Variants in MIPEP observed in about 807,000 individuals in gnomAD.
The protein encoded by MIPEP is mitochondrial intermediate peptidase.
A neutral mutation model predicts 90.3 loss-of-function variants in MIPEP; 79 were observed. The observed-to-expected ratio is 0.87, with a 90% CI of 0.73 to 1.05. The LOEUF is 1.05. MIPEP is among the 50% of genes least tolerant of loss of function. The pLI is 0.00. For missense variants in MIPEP, 940 were observed against 905.6 expected (o/e 1.04, Z -0.49); for synonymous variants, 334 against 315.8 (o/e 1.06, Z -0.61).
chr13:23,789,643 T>G (rs1392819710), intron 16 of MIPEP, among the ~76,000 whole-genome samples: 1 of 152,184 alleles, frequency 6.6e-6, no homozygotes, highest in Non-Finnish European at 1.5e-5. Flanking sequence ...CAGGTACAAA[T>G]AAAGAGAAAG....
rs554350439 is a variant in MIPEP, at chr13:23,889,136, C to G, written c.185G>C (p.Arg62Pro). Residue 62 changes from arginine (R) to proline (P), a missense_variant, in exon 1 of 19, where the codon CGC becomes CCC. Arg to Pro is a moderately radical substitution (Grantham distance 103). Coordinates refer to ENST00000382172, the MANE Select transcript of MIPEP (RefSeq NM_005932.4). ...AGCTCCTCCTGCGCCGCTCACCCGGCGCTCGCCGAACAGGTCCAAGCGGCT... is the reference window on the plus strand; with the variant it reads ...AGCTCCTCCTGCGCCGCTCACCCGGGGCTCGCCGAACAGGTCCAAGCGGCT... The part of the protein sequence containing the change: ...QGSRLDLFGE[R>P]RGLFGVPELS... 121 of 1,422,728 alleles carry G rather than the reference C, an allele frequency of 8.5e-5. No homozygotes were observed. In the African/African-American group the frequency reaches 1.7e-3, roughly 20 times the overall value. The allele number at this position is 1,422,728 out of a possible 1,614,324, so 88.1% of individuals were successfully genotyped here.
chr13:23,844,795 T>C (rs891932967), intron 10 of MIPEP, among the ~76,000 whole-genome samples: 1 of 152,218 alleles, frequency 6.6e-6, no homozygotes. Context: ...TCATTATGTG[T>C]TGGGCAAAAT....
In MIPEP at chr13:23,815,740, C is replaced by A. The variant is rs944483916; in HGVS notation, c.1654-5816G>T. 3.9e-5 allele frequency among the ~76,000 whole-genome samples: 6 copies of A among 152,244 alleles called. No individual in the cohort carries two copies. The South Asian group carries it at 8.3e-4, about 21-fold the overall frequency. On this transcript the variant is annotated intron_variant, in intron 14 of 18. Coordinates refer to ENST00000382172, the MANE Select transcript of MIPEP (RefSeq NM_005932.4). ...AATTAATTTAAGGTTTACAAAAAAA[C>A]CCCACAATGAAATAAAGTAATGTGC...
chr13:23,883,065 A>T (rs1185143553), intron 2 of MIPEP, among the ~76,000 whole-genome samples: 1 of 152,194 alleles, frequency 6.6e-6, no homozygotes, highest in East Asian at 1.9e-4. Flanking sequence ...TAACAGTACT[A>T]ATCTCACTGG....
intron 9 of MIPEP, among the ~76,000 whole-genome samples, chr13:23,860,578 A>G (rs2137499929): frequency 6.6e-6 from 1 of 152,276 alleles, no homozygotes; most frequent in Non-Finnish European, 1.5e-5. Context: ...AGGAAGGGAA[A>G]CTGGAGAATA....
chr13:23,774,747 T>G (rs1441651831), intron 16 of MIPEP, among the ~76,000 whole-genome samples: 2 of 151,144 alleles, frequency 1.3e-5, no homozygotes, highest in African/African-American at 2.4e-5. Flanking sequence ...CATATTGATC[T>G]CATACCATGC....
chr13:23,854,169 CA>C (rs1171808399), intron 10 of MIPEP, among the ~76,000 whole-genome samples: 15 of 138,478 alleles, frequency 1.1e-4, no homozygotes, highest in African/African-American at 3.7e-4. Flanking sequence ...ACTAAAAATA[CA>C]AAAAATTAGC....
At chr13:23,872,969 G>C (rs1347824570) in intron 5 of MIPEP, among the ~76,000 whole-genome samples, 1 of 152,122 alleles carries the variant, frequency 6.6e-6, no homozygotes, top group Non-Finnish European at 1.5e-5. Context: ...TAAAAAACAT[G>C]ATCCACGTTC....
intron 16 of MIPEP, among the ~76,000 whole-genome samples, chr13:23,794,495 A>C (rs1018358918): frequency 4.6e-5 from 7 of 152,192 alleles, no homozygotes; most frequent in Admixed American, 1.3e-4. Context: ...AACGGGACTT[A>C]CCTCAGAAAA....
chr13:23,881,837 C>T (rs773532131), intron 2 of MIPEP, 50 bp from the exon 3 acceptor site: 35 of 1,414,036 alleles, frequency 2.5e-5, no homozygotes, highest in Middle Eastern at 2.0e-4. Context: ...GAGAAGCTTT[C>T]TTCCAGGATC....
chr13:23,880,667 T>C (rs533832270), intron 3 of MIPEP, among the ~76,000 whole-genome samples: 1 of 152,322 alleles, frequency 6.6e-6, no homozygotes, highest in East Asian at 1.9e-4. Flanking sequence ...CCTGTCAGCA[T>C]GCCCAGTATC....
intron 10 of MIPEP, among the ~76,000 whole-genome samples, chr13:23,852,263 G>A (rs1869829609): frequency 6.6e-6 from 1 of 152,128 alleles, no homozygotes; most frequent in African/African-American, 2.4e-5. Flanking sequence ...TACGAATATA[G>A]ACTAGATATT....
At chr13:23,839,191 A>G (rs1035380017) in intron 12 of MIPEP, among the ~76,000 whole-genome samples, 2 of 152,216 alleles carry the variant, frequency 1.3e-5, no homozygotes, top group Admixed American at 1.3e-4. Context: ...GAATAGGTTC[A>G]TTGTCGAGTA....
rs1952628652 is a variant in MIPEP at position 23,769,621 on chromosome 13, T to C, written c.1849-9404A>G. Among the ~76,000 whole-genome samples the C allele has an allele frequency of 4.6e-5, 7 of 152,262 alleles. No individual in the cohort carries two copies. In the South Asian group the frequency reaches 1.5e-3, roughly 32 times the overall value. ...TTTGTGGGCAGAGGCTCCATTCCTG[T>C]AGGGGCTCATAGCTTTAGAACCCAG... On this transcript the variant is annotated intron_variant, in intron 16 of 18. Transcript: ENST00000382172.
At chr13:23,864,592 C>T (rs1341513521) in intron 7 of MIPEP, among the ~76,000 whole-genome samples, 2 of 151,764 alleles carry the variant, frequency 1.3e-5, no homozygotes, top group African/African-American at 2.4e-5. Flanking sequence ...AAAAATTAGC[C>T]AGGCGTGGTG....
chr13:23,866,075 TGCCC>T (rs1870520690), intron 7 of MIPEP, among the ~76,000 whole-genome samples: 1 of 152,122 alleles, frequency 6.6e-6, no homozygotes, highest in Non-Finnish European at 1.5e-5. Context: ...GCCACATGAA[TGCCC>T]GCCTTAGCCT....
chr13:23,847,450 T>A, intron 10 of MIPEP, among the ~76,000 whole-genome samples: 1 of 126,524 alleles, frequency 7.9e-6, no homozygotes, highest in African/African-American at 3.0e-5. Context: ...GACATTAGGA[T>A]CTCAAATCCA....
At chr13:23,757,395 T>A (rs1952499833) in intron 17 of MIPEP, among the ~76,000 whole-genome samples, 3 of 152,184 alleles carry the variant, frequency 2.0e-5, no homozygotes, top group Admixed American at 1.3e-4. Context: ...CAGTTCCCAG[T>A]ACCAGTCTGT....
intron 16 of MIPEP, among the ~76,000 whole-genome samples, chr13:23,779,779 G>A (rs534236343): frequency 1.3e-5 from 2 of 152,178 alleles, no homozygotes; most frequent in Admixed American, 6.5e-5. Flanking sequence ...CTTTTCCAAC[G>A]GTCTTAGCAA....
Sources: allele counts gnomAD v4.1 joint callset (sites outside exome capture counted in the v4.1 genomes callset), GRCh38; gene constraint gnomAD v4.1.1; transcripts MANE v1.5; gene names NCBI Gene and HGNC (gene_info 2026-07-23, HGNC 2026-07-21).